KIRREL3: variants seen among roughly 807,000 people sequenced by gnomAD.
KIRREL3 encodes the protein kin of IRRE-like protein 3.
KIRREL3 carries 36 observed loss-of-function variants against 89.7 expected under a neutral mutation model. The ratio of observed to expected loss-of-function variants is 0.40; its 90% confidence interval spans 0.31 to 0.53. KIRREL3 has a LOEUF of 0.53. KIRREL3 is among the 20% of genes least tolerant of loss of function. The pLI is 0.49. For missense variants in KIRREL3, 864 were observed against 1,056.6 expected, an observed-to-expected ratio of 0.82 and a Z score of 2.53; for synonymous variants, 445 against 441.4, an observed-to-expected ratio of 1.01 and a Z score of -0.10.
intron 1 of KIRREL3, among the ~76,000 whole-genome samples, chr11:126,733,699 T>C (rs566833625): frequency 9.8e-4 from 150 of 152,368 alleles, no homozygotes; most frequent in African/African-American, 3.6e-3. Flanking sequence ...TGCCCCTTTC[T>C]GTGTCTTGAC....
intron 1 of KIRREL3, among the ~76,000 whole-genome samples, chr11:126,730,037 G>GTCCCCGTCCTGACTCTCAT (rs1480335088): frequency 3.9e-5 from 6 of 152,160 alleles, no homozygotes; most frequent in Non-Finnish European, 7.4e-5. Context: ...TTCCCTCTCA[G>GTCCCCGTCCTGACTCTCAT]TCCCCGTCCT....
Position 126,696,097 on chromosome 11 carries a change from T to TACAAAAAAAATTAGCCTGACATGGTGAC in KIRREL3, c.56-133213_56-133186dup, listed in dbSNP as rs2135148686. 6.6e-6 allele frequency among the ~76,000 whole-genome samples: 1 copy of TACAAAAAAAATTAGCCTGACATGGTGAC among 151,590 alleles called. No homozygotes were observed. The highest frequency in any genetic ancestry group is 1.5e-5 in the Non-Finnish European group (1 of 67,856). ...GGTGAAACCCCATCTCTACTAAAAA[T>TACAAAAAAAATTAGCCTGACATGGTGAC]ACAAAAAAAATTAGCCTGACATGGT... is the stretch of plus-strand genomic sequence containing the variant. On this transcript the variant is annotated intron_variant, in intron 1 of 16. Transcript: ENST00000525144. The surrounding 1 kb of genome is among the most constrained non-coding windows in gnomAD (Gnocchi z 4.4).
At position 126,579,093 on chromosome 11, in the gene KIRREL3, G is replaced by A. The variant is rs570471640; in HGVS notation, c.56-16181C>T. Among the ~76,000 whole-genome samples the A allele has an allele frequency of 3.3e-5, 5 of 152,028 alleles. No homozygotes were observed. The highest frequency in any genetic ancestry group is 4.8e-5 in the African/African-American group (2 of 41,462). The stretch of plus-strand genomic sequence containing the variant: ...CCTCCGAGAAGCCATGGCCAAGAAA[G>A]GTCTTTGCACCAGAGCTCACCAATG... On this transcript the variant is annotated intron_variant, in intron 1 of 16. Transcript: ENST00000525144. The surrounding 1 kb of genome is among the most constrained non-coding windows in gnomAD (Gnocchi z 5.3).
At chr11:126,806,036 C>T (rs1048049543) in intron 1 of KIRREL3, among the ~76,000 whole-genome samples, 2 of 152,192 alleles carry the variant, frequency 1.3e-5, no homozygotes, top group Admixed American at 6.5e-5. Flanking sequence ...AAATTAAATG[C>T]CTGAATAGTC....
In KIRREL3 at chr11:126,983,684, T is replaced by A. The variant is rs956332990; in HGVS notation, c.55+16771A>T. Among the ~76,000 whole-genome samples the A allele has an allele frequency of 3.9e-5, 6 of 152,128 alleles. No individual in the cohort carries two copies. Among genetic ancestry groups the A allele is most frequent in the Non-Finnish European group, 7.4e-5 (5 of 68,002 alleles). Reference sequence around the variant, plus strand: ...AAGGCCAAGAAATTGATTTTCCCTATAGCCTCCAGAAAGAAACAGCCCTGC... The same window carrying A: ...AAGGCCAAGAAATTGATTTTCCCTAAAGCCTCCAGAAAGAAACAGCCCTGC... On this transcript the variant is annotated intron_variant, in intron 1 of 16. Coordinates refer to ENST00000525144, the MANE Select transcript of KIRREL3 (RefSeq NM_032531.4). This position sits in a 1 kb window ranked among gnomAD's most constrained non-coding sequence, Gnocchi z 4.9.
intron 4 of KIRREL3, among the ~76,000 whole-genome samples, chr11:126,512,145 T>C (rs1458934998): frequency 6.6e-6 from 1 of 152,238 alleles, no homozygotes; most frequent in Non-Finnish European, 1.5e-5. Flanking sequence ...TGTGCTTCCA[T>C]TACCCCCCTC....
At chr11:126,672,785 T>C (rs919813170) in intron 1 of KIRREL3, among the ~76,000 whole-genome samples, 2 of 152,216 alleles carry the variant, frequency 1.3e-5, no homozygotes, top group African/African-American at 4.8e-5. Context: ...GTGTCTCTTT[T>C]CTTCTATGTC....
Position 126,978,164 on chromosome 11 carries a change from C to A in KIRREL3, c.55+22291G>T, listed in dbSNP as rs1156848295. Among the ~76,000 whole-genome samples, 2 of 152,176 alleles carry A rather than the reference C, an allele frequency of 1.3e-5. No individual in the cohort carries two copies. The highest frequency in any genetic ancestry group is 1.9e-4 in the East Asian group (1 of 5,194). ...TCTGCTACTTAAATTTATGATGATG[C>A]AGGGCATGCAGGTAATCAATTATGC... On this transcript the variant is annotated intron_variant, in intron 1 of 16. Transcript: ENST00000525144. The surrounding 1 kb of genome is among the most constrained non-coding windows in gnomAD (Gnocchi z 4.2).
At chr11:126,539,433 A>C (rs886221136) in intron 2 of KIRREL3, among the ~76,000 whole-genome samples, 21 of 152,198 alleles carry the variant, frequency 1.4e-4, no homozygotes, top group African/African-American at 4.8e-4. Context: ...TTTTAGAAAT[A>C]TCACGGTGAT....
At chr11:126,846,337 C>T (rs1298711553) in intron 1 of KIRREL3, among the ~76,000 whole-genome samples, 1 of 152,064 alleles carries the variant, frequency 6.6e-6, no homozygotes, top group Non-Finnish European at 1.5e-5. Context: ...TTCCATCTGT[C>T]TGTGCATTTA....
In KIRREL3 at chr11:126,917,052, C is replaced by T. The variant is rs577017244; in HGVS notation, c.55+83403G>A. ...ATAATAACCAAAAAGTAGAAGTCACCCACGTGTCTAACAGATGAATGCAAA... is the reference window on the plus strand; with the variant it reads ...ATAATAACCAAAAAGTAGAAGTCACTCACGTGTCTAACAGATGAATGCAAA... On this transcript the variant is annotated intron_variant, in intron 1 of 16. Transcript: ENST00000525144. This position sits in a 1 kb window ranked among gnomAD's most constrained non-coding sequence, Gnocchi z 5.0. Among the ~76,000 whole-genome samples the T allele has an allele frequency of 2.0e-5, 3 of 152,076 alleles. No homozygotes were observed. Among genetic ancestry groups the T allele is most frequent in the Non-Finnish European group, 4.4e-5 (3 of 68,026 alleles).
At chr11:126,937,256 C>T (rs1169993505) in intron 1 of KIRREL3, 2 of 152,232 alleles carry the variant, frequency 1.3e-5, no homozygotes, top group Admixed American at 6.5e-5. Flanking sequence ...TCCCATTTAT[C>T]TCAGTGTGGG....
intron 1 of KIRREL3, among the ~76,000 whole-genome samples, chr11:126,915,218 T>C (rs1946991148): frequency 6.6e-6 from 1 of 152,256 alleles, no homozygotes; most frequent in South Asian, 2.1e-4. Context: ...ATCAGTATGT[T>C]TCTGATTCCT....
In KIRREL3 at chr11:126,430,073, G is replaced by A. The variant is rs1212626185; in HGVS notation, c.1697-785C>T. Among the ~76,000 whole-genome samples the A allele has an allele frequency of 6.6e-6, 1 of 151,770 alleles. No homozygotes were observed. The highest frequency in any genetic ancestry group is 2.4e-5 in the African/African-American group (1 of 41,142). Reference sequence around the variant, plus strand: ...CGCTTGAATGAACCCGGGAGGCAGCGGCTGCGGTAAGCCGAGATTGTGCCA... The same window carrying A: ...CGCTTGAATGAACCCGGGAGGCAGCAGCTGCGGTAAGCCGAGATTGTGCCA... On this transcript the variant is annotated intron_variant, in intron 14 of 16. Coordinates refer to ENST00000525144, the MANE Select transcript of KIRREL3 (RefSeq NM_032531.4). This position sits in a 1 kb window ranked among gnomAD's most constrained non-coding sequence, Gnocchi z 6.6.
At position 126,491,318 on chromosome 11, in the gene KIRREL3, G is replaced by A. The variant is rs567754602; in HGVS notation, c.434-17852C>T. ...ATGTAATGTGAGCCCAAGGAGGGCG[G>A]GCGCGTGCTGGCTCTGAGCGGGTGC... On this transcript the variant is annotated intron_variant, in intron 4 of 16. Coordinates refer to ENST00000525144, the MANE Select transcript of KIRREL3 (RefSeq NM_032531.4). The surrounding 1 kb of genome is among the most constrained non-coding windows in gnomAD (Gnocchi z 5.5). Among the ~76,000 whole-genome samples the A allele has an allele frequency of 1.8e-4, 27 of 152,350 alleles. No individual in the cohort carries two copies. In the South Asian group the frequency reaches 5.4e-3, roughly 30 times the overall value.
At position 126,557,391 on chromosome 11, in the gene KIRREL3, G is replaced by T. The variant is rs549905393; in HGVS notation, c.133+5444C>A. On this transcript the variant is annotated intron_variant, in intron 2 of 16. Transcript: ENST00000525144. The surrounding 1 kb of genome is among the most constrained non-coding windows in gnomAD (Gnocchi z 5.6). ...CATTTAAAATTATGGGATGGGCTGT[G>T]AGAACAGGGTGTGGGCTGGGTGTTG... 1.1e-4 allele frequency among the ~76,000 whole-genome samples: 17 copies of T among 152,340 alleles called. No homozygotes were observed. Among genetic ancestry groups the T allele is most frequent in the African/African-American group, 3.6e-4 (15 of 41,564 alleles).
intron 1 of KIRREL3, among the ~76,000 whole-genome samples, chr11:126,806,380 C>T (rs921988205): frequency 1.3e-5 from 2 of 152,234 alleles, no homozygotes; most frequent in Non-Finnish European, 2.9e-5. Context: ...TCCTACAGAT[C>T]TCTATCTGTA....
chr11:126,774,152 T>C (rs1021333201), intron 1 of KIRREL3, among the ~76,000 whole-genome samples: 1 of 137,964 alleles, frequency 7.2e-6, no homozygotes, highest in Non-Finnish European at 1.5e-5. Flanking sequence ...CATAAATAAG[T>C]AGAGAGTAAA....
rs186787004 is a variant in KIRREL3, at chr11:126,574,903, G to A, written c.56-11991C>T. Among the ~76,000 whole-genome samples the A allele has an allele frequency of 6.6e-6, 1 of 152,276 alleles. No homozygotes were observed. Among genetic ancestry groups the A allele is most frequent in the Admixed American group, 6.5e-5 (1 of 15,290 alleles). On this transcript the variant is annotated intron_variant, in intron 1 of 16. Coordinates refer to ENST00000525144, the MANE Select transcript of KIRREL3 (RefSeq NM_032531.4). This position sits in a 1 kb window ranked among gnomAD's most constrained non-coding sequence, Gnocchi z 5.3. ...CCTGGGTCCACACTGGCAATTCCTG[G>A]GTCTATTCTGGAACAATCATGCTTA...
Sources: allele counts gnomAD v4.1 joint callset (sites outside exome capture counted in the v4.1 genomes callset), GRCh38; gene constraint gnomAD v4.1.1; non-coding constraint Gnocchi (gnomAD v3.1); transcripts MANE v1.5; gene names NCBI Gene and HGNC (gene_info 2026-07-23, HGNC 2026-07-21).